Variants in DIP2B observed in about 807,000 individuals in gnomAD.
DIP2B encodes disco-interacting protein 2 homolog B.
DIP2B carries 76 observed loss-of-function variants against 198.0 expected under a neutral mutation model. The observed-to-expected ratio is 0.38, with a 90% CI of 0.32 to 0.46. The LOEUF (loss-of-function observed/expected upper bound fraction) is 0.46. Ranked by LOEUF, DIP2B falls within the 20% of genes least tolerant of loss-of-function variation. DIP2B has a pLI of 0.99. For missense variants in DIP2B, 1,559 were observed against 1,978.4 expected, an observed-to-expected ratio of 0.79 and a Z score of 4.02; for synonymous variants, 701 against 739.1, an observed-to-expected ratio of 0.95 and a Z score of 0.84.
At chr12:50,656,909 T>A (rs2139507675) in intron 3 of DIP2B, 1 of 152,074 alleles carries the variant, frequency 6.6e-6, no homozygotes, top group East Asian at 1.9e-4. Flanking sequence ...AACTAATAAA[T>A]ATGGAAGAAA....
intron 3 of DIP2B, among the ~76,000 whole-genome samples, chr12:50,647,185 G>A (rs1370728165): frequency 1.3e-5 from 2 of 151,996 alleles, no homozygotes; most frequent in African/African-American, 4.8e-5. Context: ...GAGTAGCTGG[G>A]ACTACAGACA....
intron 3 of DIP2B, among the ~76,000 whole-genome samples, chr12:50,652,944 TG>T (rs978671844): frequency 5.2e-5 from 7 of 134,016 alleles, no homozygotes; most frequent in African/African-American, 1.7e-4. Context: ...GAAACACAAC[TG>T]TTTTTTTTTT....
At chr12:50,548,141 A>G (rs1013470941) in intron 1 of DIP2B, among the ~76,000 whole-genome samples, 33 of 152,162 alleles carry the variant, frequency 2.2e-4, no homozygotes, top group African/African-American at 8.0e-4. Context: ...TTTAGTGGCA[A>G]TTTCATCTAG....
At chr12:50,594,872 G>A (rs1327558830) in intron 1 of DIP2B, among the ~76,000 whole-genome samples, 1 of 152,102 alleles carries the variant, frequency 6.6e-6, no homozygotes, top group Non-Finnish European at 1.5e-5. Context: ...CTAGTTTTTA[G>A]GTAGCGTTAT....
At chr12:50,609,709 T>C (rs561849574) in intron 1 of DIP2B, among the ~76,000 whole-genome samples, 2 of 152,346 alleles carry the variant, frequency 1.3e-5, no homozygotes, top group South Asian at 4.1e-4. Flanking sequence ...CATCGTCTTC[T>C]GAGTAGTTGA....
intron 1 of DIP2B, among the ~76,000 whole-genome samples, chr12:50,567,205 A>G (rs1030883530): frequency 1.3e-5 from 2 of 152,234 alleles, no homozygotes; most frequent in African/African-American, 4.8e-5. Flanking sequence ...ATATGTACAG[A>G]AAGATCCCAT....
rs763450387 is a variant in DIP2B at position 50,745,453 on chromosome 12, A to G, written c.*614A>G. 1 of 152,830 alleles carries G rather than the reference A, an allele frequency of 6.5e-6. No individual in the cohort carries two copies. The highest frequency in any genetic ancestry group is 1.5e-5 in the Non-Finnish European group (1 of 68,308). 9.5% of individuals were successfully genotyped at this position (152,830 alleles called of 1,614,324 possible). ...ATTTGAAGAATTGGCTTGTATAGTT[A>G]TAACAACCACAGTAGAAACATTTCT... On this transcript the variant is annotated 3_prime_UTR_variant, in exon 38 of 38. Transcript: ENST00000301180.
chr12:50,630,846 GT>G (rs1270760911), intron 2 of DIP2B, among the ~76,000 whole-genome samples: 2 of 151,268 alleles, frequency 1.3e-5, no homozygotes, highest in African/African-American at 4.9e-5. Flanking sequence ...TAATTTTGTA[GT>G]TTTAGTAGAG....
Position 50,693,125 on chromosome 12 carries a change from G to C in DIP2B, c.1719+112G>C, listed in dbSNP as rs1052750986. 22 of 1,046,144 alleles carry C rather than the reference G, an allele frequency of 2.1e-5. No individual in the cohort carries two copies. In the African/African-American group the frequency reaches 3.2e-4, roughly 15 times the overall value. The allele number at this position is 1,046,144 out of a possible 1,614,324, so 64.8% of individuals were successfully genotyped here. On this transcript the variant is annotated intron_variant, in intron 14 of 37. Coordinates refer to ENST00000301180, the MANE Select transcript of DIP2B (RefSeq NM_173602.3). ...TTGTTTGAAATTTAAATCCCCAAAA[G>C]GTCAGTAATATTTTCCAGAGGCTAT...
chr12:50,578,349 TTTTGTTTG>T (rs58954148), intron 1 of DIP2B, among the ~76,000 whole-genome samples: 1 of 151,604 alleles, frequency 6.6e-6, no homozygotes, highest in African/African-American at 2.4e-5. Flanking sequence ...TACATCTTTT[TTTTGTTTG>T]TTTGTTTGTT....
chr12:50,654,692 A>G (rs1282585238), intron 3 of DIP2B, among the ~76,000 whole-genome samples: 1 of 152,220 alleles, frequency 6.6e-6, no homozygotes, highest in Admixed American at 6.5e-5. Context: ...GAAGGCTGAT[A>G]TAAAAAATGG....
chr12:50,505,022 C>CGGCGGCGGCGGCGGCGGCGGCGGG lies in DIP2B; in HGVS notation c.-117_-116insCGGCGGCGGCGGCGGCGGCGGGGG. 1.0e-6 allele frequency: 1 copy of CGGCGGCGGCGGCGGCGGCGGCGGG among 1,001,186 alleles called. No homozygotes were observed. The allele number at this position is 1,001,186 out of a possible 1,614,324, so 62.0% of individuals were successfully genotyped here. On this transcript the variant is annotated 5_prime_UTR_variant, in exon 1 of 38. Coordinates refer to ENST00000301180, the MANE Select transcript of DIP2B (RefSeq NM_173602.3). ...CTCATGGCGGCGGCGGCGGCGGCGG[C>CGGCGGCGGCGGCGGCGGCGGCGGG]GGTGCTGGTGGTGCTCGGCGGCCGG...
chr12:50,693,456 A>G (rs1592130788), intron 14 of DIP2B, among the ~76,000 whole-genome samples: 1 of 152,316 alleles, frequency 6.6e-6, no homozygotes, highest in East Asian at 1.9e-4. Flanking sequence ...TATATGTAAC[A>G]TGCCATATAG....
At chr12:50,531,627 G>A (rs1217486800) in intron 1 of DIP2B, among the ~76,000 whole-genome samples, 1 of 152,172 alleles carries the variant, frequency 6.6e-6, no homozygotes, top group East Asian at 1.9e-4. Flanking sequence ...GGGCAAGGAA[G>A]GGGCACTGCA....
chr12:50,741,305 G>T (rs1940237873), intron 36 of DIP2B, 111 bp from the exon 37 acceptor site: 3 of 1,351,598 alleles, frequency 2.2e-6, no homozygotes, highest in African/African-American at 2.9e-5. Context: ...TACACAGTTG[G>T]TAGGGGCAGA....
intron 3 of DIP2B, among the ~76,000 whole-genome samples, chr12:50,646,718 G>A (rs1469201541): frequency 3.9e-5 from 6 of 152,024 alleles, no homozygotes; most frequent in African/African-American, 1.2e-4. Context: ...CACCATGCCC[G>A]GCCCAGTTAT....
chr12:50,601,269 C>T lies in DIP2B; in HGVS notation c.101-24707C>T, dbSNP rs116526053. ...GTGTTTATGTGTATAGTACAAAGTG[C>T]GTGGAACATGATGACCAGGGAAAGT... is the stretch of plus-strand genomic sequence containing the variant. On this transcript the variant is annotated intron_variant, in intron 1 of 37. Coordinates refer to ENST00000301180, the MANE Select transcript of DIP2B (RefSeq NM_173602.3). Among the ~76,000 whole-genome samples the T allele has an allele frequency of 3.2e-3, 490 of 151,912 alleles. 2 individuals are homozygous for T. The highest frequency in any genetic ancestry group is 0.011 in the African/African-American group (470 of 41,412).
At chr12:50,729,243 C>G (rs1939993128) in intron 30 of DIP2B, among the ~76,000 whole-genome samples, 1 of 152,182 alleles carries the variant, frequency 6.6e-6, no homozygotes, top group South Asian at 2.1e-4. Flanking sequence ...CTCCTGTTCT[C>G]TCTTTGTTAG....
At chr12:50,730,625 G>A (rs1415781102) in intron 30 of DIP2B, among the ~76,000 whole-genome samples, 4 of 152,060 alleles carry the variant, frequency 2.6e-5, no homozygotes, top group Non-Finnish European at 4.4e-5. Context: ...GGGCTCCAGC[G>A]ATCCTCCCAT....
Sources: gnomAD v4.1 joint callset for allele counts (sites outside exome capture counted in the v4.1 genomes callset) on GRCh38, gnomAD v4.1.1 for gene constraint, MANE v1.5 for transcripts, NCBI Gene and HGNC (gene_info 2026-07-23, HGNC 2026-07-21) for gene names.